Variants in GPHN observed in about 807,000 individuals in gnomAD.
The protein encoded by GPHN is gephyrin.
Under a neutral mutation model 95.5 loss-of-function variants are expected in GPHN, and 17 were observed. The ratio of observed to expected loss-of-function variants is 0.18; its 90% CI spans 0.12 to 0.27. GPHN has a LOEUF of 0.27. GPHN is among the 10% of genes least tolerant of loss of function. The probability of loss-of-function intolerance (pLI) is 1.00; values close to 1 mark genes in which losing one functional copy is unlikely to be tolerated. For missense variants in GPHN, 660 were observed against 978.1 expected, an observed-to-expected ratio of 0.67 and a Z score of 4.34; for synonymous variants, 320 against 322.5, an observed-to-expected ratio of 0.99 and a Z score of 0.08.
the GPHN span, among the ~76,000 whole-genome samples, chr14:67,219,328 A>C: frequency 6.6e-6 from 1 of 152,116 alleles, no homozygotes; most frequent in African/African-American, 2.4e-5. Flanking sequence ...TCTAGTCCAC[A>C]TGGGTGATAT....
intron 1 of GPHN, among the ~76,000 whole-genome samples, chr14:66,546,956 A>G (rs919742186): frequency 2.6e-5 from 4 of 152,110 alleles, no homozygotes; most frequent in African/African-American, 9.7e-5. Flanking sequence ...TGTTCAGTAA[A>G]TTTGCTCTTT....
intron 9 of GPHN, among the ~76,000 whole-genome samples, chr14:66,998,049 A>G (rs1297379106): frequency 6.6e-6 from 1 of 152,154 alleles, no homozygotes; most frequent in African/African-American, 2.4e-5. Context: ...ATCATCTCCA[A>G]TCACAGCCTA....
intron 6 of GPHN, 27 bp from the exon 7 acceptor site, chr14:66,922,639 A>T (rs771946114): frequency 5.1e-6 from 8 of 1,562,066 alleles, no homozygotes; most frequent in Admixed American, 3.6e-5. Context: ...CTTCATCTTA[A>T]TTTTTTTTTC....
At chr14:67,628,090 G>A in the GPHN span, among the ~76,000 whole-genome samples, 8 of 152,176 alleles carry the variant, frequency 5.3e-5, no homozygotes, top group Non-Finnish European at 1.2e-4. Flanking sequence ...AGAGGAATAG[G>A]AGCTGAGGCA....
At chr14:66,590,726 C>G (rs1410808163) in intron 1 of GPHN, among the ~76,000 whole-genome samples, 1 of 152,100 alleles carries the variant, frequency 6.6e-6, no homozygotes, top group Non-Finnish European at 1.5e-5. Context: ...ACCAGAAGTA[C>G]AAAGAGGAGC....
At chr14:66,772,670 C>T (rs1338054262) in intron 2 of GPHN, among the ~76,000 whole-genome samples, 1 of 152,200 alleles carries the variant, frequency 6.6e-6, no homozygotes, top group Non-Finnish European at 1.5e-5. Context: ...ATTCCCCATC[C>T]TAATGACCAA....
chr14:66,533,772 GGAAT>G (rs2059030089), intron 1 of GPHN, among the ~76,000 whole-genome samples: 1 of 152,162 alleles, frequency 6.6e-6, no homozygotes, highest in Non-Finnish European at 1.5e-5. Context: ...ATCTTAAATT[GGAAT>G]TACAGGAGTG....
chr14:66,547,027 C>A (rs1007775575), intron 1 of GPHN, among the ~76,000 whole-genome samples: 1 of 152,046 alleles, frequency 6.6e-6, no homozygotes, highest in Admixed American at 6.5e-5. Flanking sequence ...CTGTAGATTT[C>A]TAGATAGCTT....
chr14:67,585,503 A>C, the GPHN span: 2 of 1,121,114 alleles, frequency 1.8e-6, no homozygotes, highest in Admixed American at 4.3e-5. Context: ...TCTTTCTCAG[A>C]AAGTTATTAT....
intron 1 of GPHN, among the ~76,000 whole-genome samples, chr14:66,531,026 G>C (rs1264056436): frequency 1.4e-5 from 2 of 144,162 alleles, no homozygotes; most frequent in African/African-American, 2.7e-5. Context: ...TGCTATCTCA[G>C]CTCACTGCAG....
At chr14:67,042,061 G>GTT (rs869163694) in intron 10 of GPHN, among the ~76,000 whole-genome samples, 4 of 146,558 alleles carry the variant, frequency 2.7e-5, no homozygotes, top group African/African-American at 1.0e-4. Context: ...TTTTTGATGG[G>GTT]TTTTTTTTTT....
intron 4 of GPHN, among the ~76,000 whole-genome samples, chr14:66,869,188 C>T (rs1164046691): frequency 6.6e-6 from 1 of 152,122 alleles, no homozygotes; most frequent in Non-Finnish European, 1.5e-5. Context: ...CTTTTAATGG[C>T]ATCTTTTTGC....
intron 2 of GPHN, among the ~76,000 whole-genome samples, chr14:66,753,386 A>C (rs1022238836): frequency 3.9e-5 from 6 of 152,118 alleles, no homozygotes; most frequent in Admixed American, 3.9e-4. Flanking sequence ...AGCTGAGCCC[A>C]GCCTGGAGCA....
intron 4 of GPHN, among the ~76,000 whole-genome samples, chr14:66,842,069 C>A (rs1473836235): frequency 8.6e-6 from 1 of 116,826 alleles, no homozygotes; most frequent in African/African-American, 3.2e-5. Context: ...CCCGCCCCAA[C>A]CCCCCCAGCC....
chr14:66,908,553 G>T (rs1423414816), intron 5 of GPHN, among the ~76,000 whole-genome samples: 1 of 151,986 alleles, frequency 6.6e-6, no homozygotes, highest in African/African-American at 2.4e-5. Flanking sequence ...CAAGGAAGGG[G>T]CACATAACTC....
the GPHN span, among the ~76,000 whole-genome samples, chr14:67,693,902 C>G: frequency 6.6e-6 from 1 of 152,190 alleles, no homozygotes; most frequent in Non-Finnish European, 1.5e-5. Context: ...CCGCCCACCT[C>G]AGCCTCCCAA....
chr14:67,119,565 G>A (rs1192279485), intron 16 of GPHN, among the ~76,000 whole-genome samples: 4 of 152,108 alleles, frequency 2.6e-5, no homozygotes, highest in African/African-American at 7.2e-5. Context: ...CGAGGTGGGC[G>A]GATCACCTGA....
At chr14:67,170,064 G>A (rs1402778942) in intron 21 of GPHN, among the ~76,000 whole-genome samples, 2 of 151,986 alleles carry the variant, frequency 1.3e-5, no homozygotes, top group African/African-American at 4.8e-5. Context: ...GGAAACAAGA[G>A]CAAAACTTCA....
At chr14:67,167,092 T>C (rs2082324837) in intron 20 of GPHN, among the ~76,000 whole-genome samples, 1 of 152,242 alleles carries the variant, frequency 6.6e-6, no homozygotes, top group African/African-American at 2.4e-5. Flanking sequence ...TTTTTGGACA[T>C]TTTTAACATT....
Sources: gnomAD v4.1 joint callset for allele counts (sites outside exome capture counted in the v4.1 genomes callset) on GRCh38, gnomAD v4.1.1 for gene constraint, MANE v1.5 for transcripts, NCBI Gene and HGNC (gene_info 2026-07-23, HGNC 2026-07-21) for gene names.